Variants in PDE10A observed in about 807,000 individuals in gnomAD.
PDE10A encodes cAMP and cAMP-inhibited cGMP 3',5'-cyclic phosphodiesterase 10A.
PDE10A carries 39 observed loss-of-function variants against 97.7 expected under a neutral mutation model. The ratio of observed to expected loss-of-function variants is 0.40; its 90% CI spans 0.31 to 0.52. The LOEUF is 0.52. Ranked by LOEUF, PDE10A falls within the 20% of genes least tolerant of loss-of-function variation. PDE10A has a pLI of 0.56. For synonymous variants in PDE10A, 371 were observed against 376.8 expected, an observed-to-expected ratio of 0.98 and a Z score of 0.18; for missense variants, 731 against 1,047.8, an observed-to-expected ratio of 0.70 and a Z score of 4.17.
At chr6:165,593,208 G>GA (rs1380483166) in intron 1 of PDE10A, among the ~76,000 whole-genome samples, 3 of 152,066 alleles carry the variant, frequency 2.0e-5, no homozygotes, top group Non-Finnish European at 4.4e-5. Flanking sequence ...AACAGAAAAC[G>GA]AAACACTGCA....
chr6:165,866,058 A>G (rs2500460), intron 1 of PDE10A, among the ~76,000 whole-genome samples: 120,891 of 152,050 alleles, frequency 0.8, 48,524 homozygotes, highest in East Asian at 0.96. Flanking sequence ...AATTAACAAA[A>G]TGCAGAAGTA....
rs1320106377 is a variant in PDE10A, at chr6:165,330,988, C to G, written c.*2037G>C. 1.3e-5 allele frequency: 2 copies of G among 152,128 alleles called. No homozygotes were observed. Among genetic ancestry groups the G allele is most frequent in the African/African-American group, 4.8e-5 (2 of 41,428 alleles). The allele number at this position is 152,128 out of a possible 1,614,324, so 9.4% of individuals were successfully genotyped here. A position where few individuals can be genotyped will look rare whatever the true frequency, so the allele number is the denominator to read the frequency against. On this transcript the variant is annotated 3_prime_UTR_variant, in exon 22 of 22. Transcript: ENST00000539869. ...AAAATGACACTTTCTTGTCAACTGT[C>G]AAGTGATATGCATTTTCCATCAAGA...
In PDE10A at chr6:165,392,727, G is replaced by T; in HGVS notation, c.2373C>A (p.His791Gln). Residue 791 changes from histidine (H) to glutamine (Q), a missense_variant, in exon 16 of 22, where the codon CAC becomes CAA. His to Gln is a conservative substitution (Grantham distance 24). This residue lies in a region of PDE10A where 131 missense variants were observed against 187.4 expected (regional missense o/e 0.70). Transcript: ENST00000539869. Reference protein sequence around the residue: ...VKKNYRRVPYHNWKHAVTVAH... With the variant: ...VKKNYRRVPYQNWKHAVTVAH... ...CTACAGTGACCGCATGCTTCCAGTT[G>T]TGATAAGGAACCCGCCGATAGTTCT... 1 of 1,613,832 alleles carries T rather than the reference G, an allele frequency of 6.2e-7. No individual in the cohort carries two copies. Among genetic ancestry groups the T allele is most frequent in the Non-Finnish European group, 8.5e-7 (1 of 1,179,762 alleles).
intron 1 of PDE10A, chr6:165,894,711 T>C (rs144158084): frequency 7.1e-4 from 243 of 340,016 alleles, no homozygotes; most frequent in African/African-American, 4.6e-3. Context: ...CCTTTTAGGA[T>C]GGAAACTTAG....
intron 1 of PDE10A, among the ~76,000 whole-genome samples, chr6:165,590,829 T>G (rs1475528511): frequency 1.3e-5 from 2 of 152,052 alleles, no homozygotes; most frequent in African/African-American, 4.8e-5. Flanking sequence ...AGGCGGAGCT[T>G]GCAGTGAGCC....
At chr6:165,370,811 T>C (rs915820271) in intron 18 of PDE10A, among the ~76,000 whole-genome samples, 1 of 150,076 alleles carries the variant, frequency 6.7e-6, no homozygotes, top group African/African-American at 2.5e-5. Flanking sequence ...TATTCCAAAA[T>C]TGACCACATA....
chr6:165,490,433 C>G (rs892820650), intron 2 of PDE10A, among the ~76,000 whole-genome samples: 1 of 152,110 alleles, frequency 6.6e-6, no homozygotes, highest in South Asian at 2.1e-4. Flanking sequence ...ACTATGAGAA[C>G]TGCTGTTAAT....
chr6:165,516,191 CT>C (rs1781796256), intron 2 of PDE10A, among the ~76,000 whole-genome samples: 2 of 152,150 alleles, frequency 1.3e-5, no homozygotes, highest in South Asian at 4.1e-4. Flanking sequence ...CTCCAGCAAT[CT>C]CTTCTCCGTC....
At chr6:165,890,988 C>T (rs1394765061) in intron 1 of PDE10A, among the ~76,000 whole-genome samples, 1 of 152,192 alleles carries the variant, frequency 6.6e-6, no homozygotes, top group Non-Finnish European at 1.5e-5. Flanking sequence ...TGATTTTTCC[C>T]ACAACCTTAC....
At chr6:165,868,693 C>A (rs1009779948) in intron 1 of PDE10A, among the ~76,000 whole-genome samples, 1 of 151,808 alleles carries the variant, frequency 6.6e-6, no homozygotes, top group African/African-American at 2.4e-5. Context: ...CAAAAACAAA[C>A]AAGGACATAA....
rs1471875437 is a variant in PDE10A, at chr6:165,332,188, A to T, written c.*837T>A. ...ATAAGACTTGTCCATTAAAAAAATT[A>T]CAATGCCGAGCTTTTATTTTGTTCT... On this transcript the variant is annotated 3_prime_UTR_variant, in exon 22 of 22. Transcript: ENST00000539869. 1 of 152,228 alleles carries T rather than the reference A, an allele frequency of 6.6e-6. No individual in the cohort carries two copies. The highest frequency in any genetic ancestry group is 1.5e-5 in the Non-Finnish European group (1 of 68,040). 9.4% of individuals were successfully genotyped at this position (152,228 alleles called of 1,614,324 possible). A position where few individuals can be genotyped will look rare whatever the true frequency, so the allele number is the denominator to read the frequency against.
intron 16 of PDE10A, among the ~76,000 whole-genome samples, 187 bp downstream of exon 16, chr6:165,392,458 AT>A (rs1785796091): frequency 6.6e-6 from 1 of 152,202 alleles, no homozygotes; most frequent in Non-Finnish European, 1.5e-5. Flanking sequence ...TTTTATCTAC[AT>A]TTCTTATACA....
intron 20 of PDE10A, among the ~76,000 whole-genome samples, chr6:165,338,300 CA>C (rs1481758457): frequency 6.6e-6 from 1 of 152,182 alleles, no homozygotes; most frequent in Non-Finnish European, 1.5e-5. Flanking sequence ...GAGAACTTAT[CA>C]AAAACCACCA....
intron 1 of PDE10A, among the ~76,000 whole-genome samples, chr6:165,748,043 T>C (rs1401537146): frequency 6.6e-6 from 1 of 152,054 alleles, no homozygotes; most frequent in South Asian, 2.1e-4. Context: ...TAAGAGCTTA[T>C]TGGGGAAGTC....
intron 1 of PDE10A, among the ~76,000 whole-genome samples, chr6:165,798,519 T>C (rs1778887899): frequency 6.6e-6 from 1 of 152,078 alleles, no homozygotes; most frequent in Non-Finnish European, 1.5e-5. Context: ...GCAACCATTG[T>C]CCAAAGTTTT....
At chr6:165,921,203 C>T (rs1782743318) in intron 1 of PDE10A, among the ~76,000 whole-genome samples, 1 of 152,146 alleles carries the variant, frequency 6.6e-6, no homozygotes, top group African/African-American at 2.4e-5. Context: ...AGTTCAAAGC[C>T]AGGGTCACTA....
At chr6:165,341,509 G>C (rs1781969175) in intron 19 of PDE10A, among the ~76,000 whole-genome samples, 1 of 152,150 alleles carries the variant, frequency 6.6e-6, no homozygotes, top group Non-Finnish European at 1.5e-5. Flanking sequence ...GAGATAAAAA[G>C]ATATTTCACA....
chr6:165,358,295 TA>T (rs1276126956), intron 18 of PDE10A, among the ~76,000 whole-genome samples: 1 of 152,126 alleles, frequency 6.6e-6, no homozygotes, highest in Non-Finnish European at 1.5e-5. Flanking sequence ...AGGAGGGATA[TA>T]AAACTCTCCA....
upstream of PDE10A, among the ~76,000 whole-genome samples, chr6:165,663,683 C>G (rs1199427925): frequency 6.6e-6 from 1 of 152,208 alleles, no homozygotes; most frequent in Middle Eastern, 3.2e-3. Flanking sequence ...CCCCAGGACT[C>G]CCTTTCGCAT....
Sources: allele counts gnomAD v4.1 joint callset (sites outside exome capture counted in the v4.1 genomes callset), GRCh38; gene constraint gnomAD v4.1.1; regional missense constraint gnomAD v4.1.1; transcripts MANE v1.5; gene names NCBI Gene and HGNC (gene_info 2026-07-23, HGNC 2026-07-21).